Variants in TENM3 observed in about 807,000 individuals in gnomAD.
TENM3 encodes the protein teneurin-3.
A neutral mutation model predicts 255.1 loss-of-function variants in TENM3; 63 were observed. The observed-to-expected ratio is 0.25, with a 90% CI of 0.20 to 0.30. TENM3 has a LOEUF of 0.30. TENM3 is among the 10% of genes least tolerant of loss of function. The pLI is 1.00. For synonymous variants in TENM3, 1,306 were observed against 1,322.3 expected (o/e 0.99, Z 0.27); for missense variants, 2,929 against 3,461.1 (o/e 0.85, Z 3.86).
Position 182,512,219 on chromosome 4 carries a change from A to G in TENM3, c.512-88705A>G, listed in dbSNP as rs112226329. On this transcript the variant is annotated intron_variant, in intron 3 of 27. Coordinates refer to ENST00000511685, the MANE Select transcript of TENM3 (RefSeq NM_001080477.4). ...GGTATGGACATGTGGCTAGTTCTCT[A>G]CAATGGAATGTGAATGGAAGTGAGG... Among the ~76,000 whole-genome samples, 110 of 152,292 alleles carry G rather than the reference A, an allele frequency of 7.2e-4. 1 individual carries two copies. The highest frequency in any genetic ancestry group is 2.5e-3 in the African/African-American group (105 of 41,564).
chr4:181,996,021 C>A, the TENM3 span, among the ~76,000 whole-genome samples: 2 of 152,094 alleles, frequency 1.3e-5, no homozygotes, highest in African/African-American at 2.4e-5. Context: ...CCTCCTCAGG[C>A]AAACTCAATA....
intron 1 of TENM3, among the ~76,000 whole-genome samples, chr4:182,210,990 G>T (rs998771189): frequency 9.2e-5 from 14 of 152,108 alleles, no homozygotes; most frequent in Non-Finnish European, 2.1e-4. Context: ...CCTCCTAAGG[G>T]AGTGATGTGT....
At chr4:181,791,242 G>A in the TENM3 span, among the ~76,000 whole-genome samples, 1 of 152,026 alleles carries the variant, frequency 6.6e-6, no homozygotes, top group African/African-American at 2.4e-5. Context: ...CTTTTGTGGG[G>A]GGTATTTATT....
chr4:181,535,015 G>C, the TENM3 span, among the ~76,000 whole-genome samples: 2 of 152,126 alleles, frequency 1.3e-5, no homozygotes, highest in African/African-American at 4.8e-5. Flanking sequence ...CAGCCTCCCT[G>C]GCTAACCCTA....
the TENM3 span, among the ~76,000 whole-genome samples, chr4:181,964,934 A>G: frequency 0.014 from 2,067 of 152,304 alleles, 40 homozygotes; most frequent in African/African-American, 0.047. Flanking sequence ...TATCAGTATT[A>G]GCCACGTTAG....
the TENM3 span, among the ~76,000 whole-genome samples, chr4:181,889,472 C>T: frequency 7.2e-5 from 11 of 152,264 alleles, no homozygotes; most frequent in East Asian, 2.1e-3. Flanking sequence ...TACCCAGCCT[C>T]GGGTATTCCT....
intron 3 of TENM3, among the ~76,000 whole-genome samples, chr4:182,504,939 T>A (rs1270781543): frequency 6.6e-6 from 1 of 152,226 alleles, no homozygotes; most frequent in Non-Finnish European, 1.5e-5. Flanking sequence ...TATATTCTTT[T>A]CCAACTCAGC....
chr4:182,609,103 G>A (rs539083883), intron 4 of TENM3, among the ~76,000 whole-genome samples: 8 of 152,268 alleles, frequency 5.3e-5, no homozygotes, highest in African/African-American at 1.4e-4. Flanking sequence ...AACCATTTGC[G>A]GAGGAGCCTG....
the TENM3 span, among the ~76,000 whole-genome samples, chr4:181,865,314 C>T: frequency 6.6e-6 from 1 of 152,146 alleles, no homozygotes; most frequent in African/African-American, 2.4e-5. Flanking sequence ...ATTTTATTTC[C>T]AGAAAAGCCA....
intron 1 of TENM3, among the ~76,000 whole-genome samples, chr4:182,220,787 C>T (rs888753504): frequency 2.6e-5 from 4 of 152,106 alleles, no homozygotes; most frequent in African/African-American, 7.2e-5. Flanking sequence ...ATAGTTTTTC[C>T]CTTTTTTAGT....
the TENM3 span, among the ~76,000 whole-genome samples, chr4:182,100,438 T>TAAAAA: frequency 3.0e-5 from 2 of 65,734 alleles, no homozygotes; most frequent in African/African-American, 9.3e-5. Flanking sequence ...TCCGTCTCCG[T>TAAAAA]AAAAAAAAAA....
chr4:182,217,470 A>G (rs1237009362), intron 1 of TENM3, among the ~76,000 whole-genome samples: 3 of 152,108 alleles, frequency 2.0e-5, no homozygotes, highest in Non-Finnish European at 2.9e-5. Flanking sequence ...TACTGAATGA[A>G]CCCCTCGCCT....
At chr4:181,642,816 G>A in the TENM3 span, among the ~76,000 whole-genome samples, 2 of 152,164 alleles carry the variant, frequency 1.3e-5, no homozygotes, top group African/African-American at 2.4e-5. Flanking sequence ...GATGGTTGTA[G>A]ATGTGCGGTA....
At chr4:181,762,273 A>G in the TENM3 span, among the ~76,000 whole-genome samples, 22 of 152,286 alleles carry the variant, frequency 1.4e-4, no homozygotes, top group Admixed American at 9.8e-4. Context: ...GTTCCTGGAC[A>G]ATCTCTCCCT....
intron 1 of TENM3, among the ~76,000 whole-genome samples, chr4:182,188,534 T>C (rs1417867280): frequency 6.6e-6 from 1 of 152,218 alleles, no homozygotes; most frequent in Admixed American, 6.5e-5. Context: ...TTTTTGGTTT[T>C]GTTTTCATTT....
Position 182,792,207 on chromosome 4 carries a change from G to A in TENM3, c.5602-67G>A, listed in dbSNP as rs1766160200. ...AGTGGAATGTTTCTGTGCATCTGTGGTCACTAAATCTGCTTTTGCATCTCC... is the reference window on the plus strand; with the variant it reads ...AGTGGAATGTTTCTGTGCATCTGTGATCACTAAATCTGCTTTTGCATCTCC... On this transcript the variant is annotated intron_variant, in intron 25 of 27. Transcript: ENST00000511685. This position sits in a 1 kb window ranked among gnomAD's most constrained non-coding sequence, Gnocchi z 6.3. 1.1e-5 allele frequency: 15 copies of A among 1,396,806 alleles called. No homozygotes were observed. The highest frequency in any genetic ancestry group is 2.9e-5 in the African/African-American group (2 of 70,060). The allele number at this position is 1,396,806 out of a possible 1,614,324, so 86.5% of individuals were successfully genotyped here.
At chr4:181,907,549 C>T in the TENM3 span, among the ~76,000 whole-genome samples, 1 of 152,112 alleles carries the variant, frequency 6.6e-6, no homozygotes, top group African/African-American at 2.4e-5. Flanking sequence ...TGGCCAGAGT[C>T]CTGTGCTGGG....
chr4:181,653,659 A>G, the TENM3 span, among the ~76,000 whole-genome samples: 1 of 150,092 alleles, frequency 6.7e-6, no homozygotes, highest in East Asian at 2.0e-4. Context: ...TTGGCCTCCC[A>G]AAGTGTTAGG....
the TENM3 span, among the ~76,000 whole-genome samples, chr4:181,973,203 G>A: frequency 6.6e-6 from 1 of 152,154 alleles, no homozygotes. Context: ...TTCTAAATGT[G>A]TGCAAACAAC....
Sources: gnomAD v4.1 joint callset for allele counts (sites outside exome capture counted in the v4.1 genomes callset) on GRCh38, gnomAD v4.1.1 for gene constraint, Gnocchi (gnomAD v3.1) non-coding constraint, MANE v1.5 for transcripts, NCBI Gene and HGNC (gene_info 2026-07-23, HGNC 2026-07-21) for gene names.